The following UTP18 variants were observed in gnomAD, a reference collection of about 807,000 sequenced individuals.
UTP18 encodes the protein U3 small nucleolar RNA-associated protein 18 homolog.
Under a neutral mutation model 61.1 loss-of-function variants are expected in UTP18, and 36 were observed. The observed-to-expected ratio is 0.59, with a 90% CI of 0.45 to 0.78. The LOEUF is 0.78. Ranked by LOEUF, UTP18 falls within the 30% of genes least tolerant of loss-of-function variation. The pLI is 0.00. For synonymous variants in UTP18, 282 were observed against 251.1 expected, an observed-to-expected ratio of 1.12 and a Z score of -1.16; for missense variants, 753 against 693.9, an observed-to-expected ratio of 1.09 and a Z score of -0.96.
At chr17:51,287,535 G>A (rs764609014) in intron 10 of UTP18, among the ~76,000 whole-genome samples, 4 of 152,192 alleles carry the variant, frequency 2.6e-5, no homozygotes, top group Non-Finnish European at 5.9e-5. Context: ...AACCAGAGGA[G>A]TGGAATTGTC....
chr17:51,288,124 G>A lies in UTP18; in HGVS notation c.1424G>A (p.Gly475Asp). 6 of 1,610,356 alleles carry A rather than the reference G, an allele frequency of 3.7e-6. No homozygotes were observed. The highest frequency in any genetic ancestry group is 5.1e-6 in the Non-Finnish European group (6 of 1,179,140). The change falls in exon 11 of 14, where the codon GGT becomes GAT. Residue 475 changes from glycine to aspartate, a missense_variant. By Grantham distance (94) the Gly-to-Asp change is moderately conservative (BLOSUM62 -1). Coordinates refer to ENST00000225298, the MANE Select transcript of UTP18 (RefSeq NM_016001.3). ...PIKAIMNLVTGVTSLTFNPTT... is the reference protein window; with the variant it reads ...PIKAIMNLVTDVTSLTFNPTT... Reference sequence around the variant, plus strand: ...AAAGCTATAATGAACTTGGTTACAGGTGTTACTTCTCTGACCTTCAATCCT... The same window carrying A: ...AAAGCTATAATGAACTTGGTTACAGATGTTACTTCTCTGACCTTCAATCCT...
intron 3 of UTP18, among the ~76,000 whole-genome samples, chr17:51,267,516 T>G (rs185482583): frequency 2.6e-5 from 4 of 151,906 alleles, no homozygotes; most frequent in Non-Finnish European, 5.9e-5. Context: ...AAACTCTCCA[T>G]TAATTAGTCA....
intron 9 of UTP18, among the ~76,000 whole-genome samples, chr17:51,281,518 G>T (rs916097707): frequency 6.6e-6 from 1 of 152,050 alleles, no homozygotes; most frequent in Non-Finnish European, 1.5e-5. Flanking sequence ...TAACATTCTT[G>T]AAATGATGAA....
chr17:51,274,963 C>T (rs907499094), intron 5 of UTP18, among the ~76,000 whole-genome samples: 4 of 151,566 alleles, frequency 2.6e-5, no homozygotes, highest in Non-Finnish European at 5.9e-5. Flanking sequence ...TTTGGGAGGC[C>T]GAGGCGGGCA....
chr17:51,277,075 C>A, intron 6 of UTP18, 55 bp from the exon 7 acceptor site: 2 of 1,549,862 alleles, frequency 1.3e-6, no homozygotes, highest in Non-Finnish European at 1.8e-6. Context: ...TATATACTAC[C>A]AGGATACAGG....
intron 9 of UTP18, among the ~76,000 whole-genome samples, chr17:51,281,164 AT>A (rs1555555693): frequency 7.1e-5 from 10 of 140,422 alleles, no homozygotes; most frequent in African/African-American, 2.7e-4. Context: ...ATATATATAT[AT>A]TTTTTTTAAA....
chr17:51,261,906 G>A (rs1211588962), intron 1 of UTP18, among the ~76,000 whole-genome samples: 1 of 152,144 alleles, frequency 6.6e-6, no homozygotes, highest in Non-Finnish European at 1.5e-5. Context: ...ACTATTACTG[G>A]AAACATGCTG....
At chr17:51,264,110 C>A (rs1207664697) in intron 2 of UTP18, among the ~76,000 whole-genome samples, 4 of 150,618 alleles carry the variant, frequency 2.7e-5, no homozygotes, top group Admixed American at 6.6e-5. Context: ...GATCTTGGTT[C>A]ACTGCAACCT....
At chr17:51,269,866 T>TGTGTGTGTCA (rs1555707291) in intron 4 of UTP18, among the ~76,000 whole-genome samples, 1 of 151,926 alleles carries the variant, frequency 6.6e-6, no homozygotes, top group African/African-American at 2.4e-5. Flanking sequence ...TGTGTGTGTG[T>TGTGTGTGTCA]GTGTCAGTGT....
intron 6 of UTP18, 39 bp downstream of exon 6, chr17:51,276,030 AT>A: frequency 1.3e-6 from 2 of 1,561,496 alleles, no homozygotes; most frequent in Admixed American, 2.0e-5. Flanking sequence ...CTAATGCATT[AT>A]TTTTATTTAA....
At chr17:51,285,520 TATC>T in intron 10 of UTP18, 152 bp downstream of exon 10, 1 of 885,426 alleles carries the variant, frequency 1.1e-6, no homozygotes, top group Non-Finnish European at 1.6e-6. Context: ...TTTTTCATTT[TATC>T]ATCTTTGTGC....
At chr17:51,279,508 TTTTG>T (rs1904842379) in intron 7 of UTP18, among the ~76,000 whole-genome samples, 2 of 152,022 alleles carry the variant, frequency 1.3e-5, no homozygotes, top group East Asian at 3.8e-4. Context: ...TGTTTTTTGT[TTTTG>T]TTTTTGACTC....
At position 51,260,643 on chromosome 17, in the gene UTP18, A is replaced by C; in HGVS notation, c.59A>C (p.Lys20Thr). 6.2e-7 allele frequency: 1 copy of C among 1,612,568 alleles called. No homozygotes were observed. The highest frequency in any genetic ancestry group is 2.2e-5 in the East Asian group (1 of 44,832). The change falls in exon 1 of 14, where the codon AAG becomes ACG. Residue 20 changes from lysine (K) to threonine (T), a missense_variant. Coordinates refer to ENST00000225298, the MANE Select transcript of UTP18 (RefSeq NM_016001.3). ...GACCGGAGAACCGGAGCGAAGCCGA[A>C]GCGGAAGCCCGGAATGAGGCCGGAC... The part of the protein sequence containing the change: ...KLDRRTGAKP[K>T]RKPGMRPDWK...
At chr17:51,296,943 G>C in intron 12 of UTP18, 22 bp from the exon 13 acceptor site, 1 of 1,602,762 alleles carries the variant, frequency 6.2e-7, no homozygotes, top group Non-Finnish European at 8.5e-7. Context: ...TTGTTCAGAT[G>C]ACTTATTTTT....
chr17:51,286,174 A>G (rs1325866766), intron 10 of UTP18, among the ~76,000 whole-genome samples: 6 of 152,218 alleles, frequency 3.9e-5, no homozygotes, highest in African/African-American at 7.2e-5. Flanking sequence ...GTACTGTGCT[A>G]TTACTGAAAA....
chr17:51,280,552 G>C, intron 9 of UTP18, 73 bp downstream of exon 9: 6 of 1,431,474 alleles, frequency 4.2e-6, no homozygotes, highest in Admixed American at 1.8e-5. Flanking sequence ...GGTGGCTCAC[G>C]TGTGTAATCC....
At chr17:51,262,042 T>C (rs1308143961) in intron 1 of UTP18, among the ~76,000 whole-genome samples, 1 of 152,078 alleles carries the variant, frequency 6.6e-6, no homozygotes, top group Non-Finnish European at 1.5e-5. Context: ...ATCATTGGTT[T>C]TGGGAAGCTC....
intron 1 of UTP18, among the ~76,000 whole-genome samples, chr17:51,261,523 G>C (rs550406439): frequency 6.6e-6 from 1 of 152,260 alleles, no homozygotes; most frequent in East Asian, 1.9e-4. Flanking sequence ...TTCTATACCA[G>C]GCTTTTCTTG....
In UTP18 at chr17:51,260,653, C is replaced by G. The variant is rs755322303; in HGVS notation, c.69C>G (p.Pro23=). The stretch of plus-strand genomic sequence containing the variant: ...CCGGAGCGAAGCCGAAGCGGAAGCC[C>G]GGAATGAGGCCGGACTGGAAAGCCG... ...RRTGAKPKRK[P]GMRPDWKAGA... is the part of the protein sequence containing the mutation. The change falls in exon 1 of 14, where the codon CCC becomes CCG. Residue 23 remains proline, a synonymous_variant. Coordinates refer to ENST00000225298, the MANE Select transcript of UTP18 (RefSeq NM_016001.3). The G allele has an allele frequency of 6.2e-6, 10 of 1,612,320 alleles. No individual in the cohort carries two copies. Among genetic ancestry groups the G allele is most frequent in the South Asian group, 5.5e-5 (5 of 91,046 alleles).
Sources: gnomAD v4.1 joint callset for allele counts (sites outside exome capture counted in the v4.1 genomes callset) on GRCh38, gnomAD v4.1.1 for gene constraint, MANE v1.5 for transcripts, NCBI Gene and HGNC (gene_info 2026-07-23, HGNC 2026-07-21) for gene names.